Variants in PLAAT4 observed in about 807,000 individuals in gnomAD.
The protein encoded by PLAAT4 is phospholipase A and acyltransferase 4.
A neutral mutation model predicts 14.1 loss-of-function variants in PLAAT4; 12 were observed. The ratio of observed to expected loss-of-function variants is 0.85; its 90% CI spans 0.54 to 1.37. The LOEUF (loss-of-function observed/expected upper bound fraction) is 1.37. Among genes scored for constraint, PLAAT4 ranks in the 40% most tolerant of loss-of-function variants. The pLI is 0.00. For synonymous variants in PLAAT4, 77 were observed against 79.8 expected (o/e 0.96, Z 0.19); for missense variants, 163 against 211.7 (o/e 0.77, Z 1.43).
intron 2 of PLAAT4, among the ~76,000 whole-genome samples, chr11:63,541,543 T>C (rs1258260103): frequency 6.6e-6 from 1 of 151,340 alleles, no homozygotes; most frequent in East Asian, 1.9e-4. Flanking sequence ...TTTTTTTTTT[T>C]TCCTCTGAGA....
chr11:63,545,878 A>G lies in PLAAT4; in HGVS notation c.388-271A>G, dbSNP rs905245618. Reference sequence around the variant, plus strand: ...GTCCTCACTTGGAAGCTCTCTCAAAAGGACCTCATGGGCCCATTCTCAGGA... The same window carrying G: ...GTCCTCACTTGGAAGCTCTCTCAAAGGGACCTCATGGGCCCATTCTCAGGA... On this transcript the variant is annotated intron_variant, in intron 3 of 3. Transcript: ENST00000255688. Among the ~76,000 whole-genome samples the G allele has an allele frequency of 4.6e-5, 7 of 152,140 alleles. No homozygotes were observed. The East Asian group carries it at 1.4e-3, about 29-fold the overall frequency.
At chr11:63,537,583 G>A (rs2017281389) in intron 1 of PLAAT4, among the ~76,000 whole-genome samples, 1 of 152,162 alleles carries the variant, frequency 6.6e-6, no homozygotes, top group African/African-American at 2.4e-5. Context: ...AAACAAATCA[G>A]GGCTTTTAAC....
rs761267486 is a variant in PLAAT4 at position 63,536,850 on chromosome 11, A to G, written c.-19A>G. On this transcript the variant is annotated 5_prime_UTR_variant, in exon 1 of 4. Transcript: ENST00000255688. ...GATCCACAAACAAGAGGAGCACCAG[A>G]CCTCCTCTTGGCTTCGAGATGGCTT... 12 of 1,610,872 alleles carry G rather than the reference A, an allele frequency of 7.4e-6. No homozygotes were observed. In the African/African-American group the frequency reaches 1.6e-4, roughly 22 times the overall value.
intron 1 of PLAAT4, among the ~76,000 whole-genome samples, 174 bp from the exon 2 acceptor site, chr11:63,539,342 A>G (rs968265589): frequency 8.5e-5 from 13 of 152,152 alleles, no homozygotes; most frequent in Non-Finnish European, 1.5e-5. Flanking sequence ...TCCAGCCCCC[A>G]GTGCCCCCAC....
intron 3 of PLAAT4, among the ~76,000 whole-genome samples, chr11:63,545,759 C>T (rs934290542): frequency 5.3e-5 from 8 of 151,914 alleles, no homozygotes; most frequent in African/African-American, 1.9e-4. Context: ...CAGGGAGGAC[C>T]CAGACTGCAA....
At chr11:63,542,611 T>C (rs2017330445) in intron 2 of PLAAT4, among the ~76,000 whole-genome samples, 1 of 152,212 alleles carries the variant, frequency 6.6e-6, no homozygotes, top group Non-Finnish European at 1.5e-5. Flanking sequence ...CCTATTTGGC[T>C]TCCGTCTTTG....
intron 2 of PLAAT4, among the ~76,000 whole-genome samples, chr11:63,543,917 A>G (rs2134359333): frequency 6.6e-6 from 1 of 152,320 alleles, no homozygotes; most frequent in East Asian, 1.9e-4. Flanking sequence ...GCAGTTTCAC[A>G]TCCTGATTCT....
chr11:63,540,148 C>T (rs986936243), intron 2 of PLAAT4, among the ~76,000 whole-genome samples: 1 of 152,222 alleles, frequency 6.6e-6, no homozygotes, highest in African/African-American at 2.4e-5. Flanking sequence ...CCTCCCGCAG[C>T]GAAGCTGGGC....
intron 2 of PLAAT4, among the ~76,000 whole-genome samples, chr11:63,544,207 T>C (rs2134359486): frequency 6.6e-6 from 1 of 152,300 alleles, no homozygotes; most frequent in East Asian, 1.9e-4. Flanking sequence ...TAACAGGGGA[T>C]TGGCCACAGA....
intron 2 of PLAAT4, among the ~76,000 whole-genome samples, chr11:63,540,281 T>C (rs551566476): frequency 6.6e-6 from 1 of 152,352 alleles, no homozygotes; most frequent in East Asian, 1.9e-4. Context: ...AGGAACAATG[T>C]TTCTCCGTGC....
At chr11:63,545,025 C>T (rs371845031) in intron 3 of PLAAT4, 136 bp downstream of exon 3, 1 of 1,228,710 alleles carries the variant, frequency 8.1e-7, no homozygotes. Context: ...GACCTCTGAG[C>T]TCCAATGCCA....
chr11:63,544,366 G>C (rs1279433661), intron 2 of PLAAT4, among the ~76,000 whole-genome samples: 3 of 152,154 alleles, frequency 2.0e-5, no homozygotes, highest in African/African-American at 7.2e-5. Flanking sequence ...TGTAGTCCCA[G>C]CTACTCGGGA....
chr11:63,544,742 G>A lies in PLAAT4; in HGVS notation c.240G>A (p.Leu80=), dbSNP rs766472757. ...GTTGCTATCGGGTCAACAACAGCTT[G>A]GACCATGAGTACCAACCACGGCCCG... ...GGCCYRVNNS[L]DHEYQPRPVE... The change falls in exon 3 of 4, where the codon TTG becomes TTA. Residue 80 remains leucine, a synonymous_variant. Transcript: ENST00000255688. The A allele has an allele frequency of 3.7e-6, 6 of 1,614,206 alleles. No homozygotes were observed. The East Asian group carries it at 1.1e-4, about 30-fold the overall frequency.
chr11:63,541,872 G>A lies in PLAAT4; in HGVS notation c.118+2248G>A, dbSNP rs187959184. ...ACAAAATTACAATGTCAATTTATAA[G>A]TCAAGCTTACTTAAAAATCATAAAT... On this transcript the variant is annotated intron_variant, in intron 2 of 3. Transcript: ENST00000255688. Among the ~76,000 whole-genome samples, 29 of 152,182 alleles carry A rather than the reference G, an allele frequency of 1.9e-4. 1 individual carries two copies. Among genetic ancestry groups the A allele is most frequent in the Admixed American group, 1.8e-3 (28 of 15,286 alleles).
In PLAAT4 at chr11:63,546,393, G is replaced by A. The variant is rs1351144873; in HGVS notation, c.*137G>A. 14 of 726,736 alleles carry A rather than the reference G, an allele frequency of 1.9e-5. No individual in the cohort carries two copies. Among genetic ancestry groups the A allele is most frequent in the African/African-American group, 5.3e-5 (3 of 56,318 alleles). 45.0% of individuals were successfully genotyped at this position (726,736 alleles called of 1,614,324 possible). A position where few individuals can be genotyped will look rare whatever the true frequency, so the allele number is the denominator to read the frequency against. Reference sequence around the variant, plus strand: ...ATCCTTTCCTCTGTTTCCCTCTCTCGCTGGCAAAAGTATGATCTAATTGAA... The same window carrying A: ...ATCCTTTCCTCTGTTTCCCTCTCTCACTGGCAAAAGTATGATCTAATTGAA... On this transcript the variant is annotated 3_prime_UTR_variant, in exon 4 of 4. Coordinates refer to ENST00000255688, the MANE Select transcript of PLAAT4 (RefSeq NM_004585.5).
intron 1 of PLAAT4, among the ~76,000 whole-genome samples, chr11:63,538,836 C>T (rs181521213): frequency 6.6e-6 from 1 of 152,270 alleles, no homozygotes; most frequent in East Asian, 1.9e-4. Context: ...ATGCCTTCCC[C>T]TGGGGCTGTG....
chr11:63,541,440 T>C (rs527848546), intron 2 of PLAAT4, among the ~76,000 whole-genome samples: 10 of 152,108 alleles, frequency 6.6e-5, no homozygotes, highest in Non-Finnish European at 1.5e-4. Flanking sequence ...TCCACCAGCC[T>C]CGGCCTCCCA....
chr11:63,538,755 G>A (rs1030789615), intron 1 of PLAAT4, among the ~76,000 whole-genome samples: 1 of 152,176 alleles, frequency 6.6e-6, no homozygotes, highest in Non-Finnish European at 1.5e-5. Flanking sequence ...CCTCCTTCCA[G>A]CTGAGTGTTC....
chr11:63,545,677 C>G (rs1204787987), intron 3 of PLAAT4, among the ~76,000 whole-genome samples: 1 of 152,044 alleles, frequency 6.6e-6, no homozygotes, highest in Non-Finnish European at 1.5e-5. Context: ...CCCCAGGGCA[C>G]GCATATGGCC....
Sources: gnomAD v4.1 joint callset for allele counts (sites outside exome capture counted in the v4.1 genomes callset) on GRCh38, gnomAD v4.1.1 for gene constraint, MANE v1.5 for transcripts, NCBI Gene and HGNC (gene_info 2026-07-23, HGNC 2026-07-21) for gene names.